FER1L6: variants seen among roughly 807,000 people sequenced by gnomAD.
The protein encoded by FER1L6 is fer-1 like family member 6.
Under a neutral mutation model 219.2 loss-of-function variants are expected in FER1L6, and 177 were observed. That is an observed-to-expected ratio of 0.81 (90% CI 0.71 to 0.91). The LOEUF (loss-of-function observed/expected upper bound fraction) is 0.91, where lower values mean the gene tolerates loss of function less well. FER1L6 is among the 40% of genes least tolerant of loss of function. The probability of loss-of-function intolerance (pLI) is 0.00; values close to 1 mark genes in which losing one functional copy is unlikely to be tolerated. For synonymous variants in FER1L6, 768 were observed against 824.3 expected (o/e 0.93, Z 1.17); for missense variants, 2,153 against 2,259.9 (o/e 0.95, Z 0.96).
intron 18 of FER1L6, among the ~76,000 whole-genome samples, chr8:124,025,771 G>A (rs183308818): frequency 2.6e-5 from 4 of 152,260 alleles, no homozygotes; most frequent in Admixed American, 2.0e-4. Flanking sequence ...GGGGCAGTAT[G>A]CTTATTTTCA....
At chr8:124,105,272 T>A (rs1026322256) in intron 39 of FER1L6, among the ~76,000 whole-genome samples, 2 of 152,008 alleles carry the variant, frequency 1.3e-5, no homozygotes, top group Admixed American at 6.6e-5. Context: ...AAAACCCCAA[T>A]GAACAAAAAC....
intron 35 of FER1L6, among the ~76,000 whole-genome samples, chr8:124,095,553 A>T (rs1337502266): frequency 6.6e-6 from 1 of 152,204 alleles, no homozygotes; most frequent in Non-Finnish European, 1.5e-5. Flanking sequence ...TGTGGAAAAA[A>T]TACCTAGAGA....
intron 39 of FER1L6, among the ~76,000 whole-genome samples, chr8:124,107,272 T>C (rs1386810569): frequency 1.3e-5 from 2 of 152,152 alleles, no homozygotes; most frequent in Non-Finnish European, 2.9e-5. Context: ...TTTCCTTCTG[T>C]TTACTCAGTG....
intron 1 of FER1L6, among the ~76,000 whole-genome samples, chr8:123,876,951 G>T (rs1310006075): frequency 6.6e-6 from 1 of 152,202 alleles, no homozygotes; most frequent in Non-Finnish European, 1.5e-5. Context: ...CCCCATACCT[G>T]CTAGGCCCCT....
At chr8:123,881,951 G>T (rs1467085406) in intron 1 of FER1L6, among the ~76,000 whole-genome samples, 2 of 152,066 alleles carry the variant, frequency 1.3e-5, no homozygotes, top group African/African-American at 2.4e-5. Context: ...TTCACTTCCT[G>T]GTGCTAAAAG....
At chr8:123,893,402 T>C (rs988043177) in intron 1 of FER1L6, among the ~76,000 whole-genome samples, 1 of 152,236 alleles carries the variant, frequency 6.6e-6, no homozygotes, top group Non-Finnish European at 1.5e-5. Context: ...ATAATTTTTA[T>C]GACTTTTTTC....
At chr8:124,108,360 G>A (rs1274714465) in intron 39 of FER1L6, among the ~76,000 whole-genome samples, 1 of 152,046 alleles carries the variant, frequency 6.6e-6, no homozygotes, top group East Asian at 1.9e-4. Flanking sequence ...CTCATGAGCT[G>A]TCGTAACCCT....
intron 23 of FER1L6, 56 bp downstream of exon 23, chr8:124,060,346 A>G: frequency 6.5e-7 from 1 of 1,546,002 alleles, no homozygotes; most frequent in South Asian, 1.1e-5. Flanking sequence ...CAGTGGCCCC[A>G]CCTGAATTGT....
chr8:123,966,998 C>T (rs748132187), intron 5 of FER1L6, among the ~76,000 whole-genome samples: 3 of 149,402 alleles, frequency 2.0e-5, no homozygotes, highest in African/African-American at 7.4e-5. Flanking sequence ...AGAAGAATGG[C>T]GTGAACCCAG....
rs1586542315 is a variant in FER1L6, at chr8:123,976,090, G to A, written c.870+6G>A. 2.5e-6 allele frequency: 4 copies of A among 1,605,396 alleles called. No homozygotes were observed. Among genetic ancestry groups the A allele is most frequent in the Non-Finnish European group, 3.4e-6 (4 of 1,174,910 alleles). ...TCTCCTTTGCTGGGCAGATGGTGAG[G>A]AACCATTGTCACTAACACTGCCTGC... On this transcript the variant is annotated splice_donor_region_variant and intron_variant, in intron 9 of 40. Transcript: ENST00000522917.
At chr8:124,008,006 TA>T (rs1402398308) in intron 13 of FER1L6, among the ~76,000 whole-genome samples, 3 of 152,236 alleles carry the variant, frequency 2.0e-5, no homozygotes. Flanking sequence ...GTAAATTCTT[TA>T]GTAGTGACTT....
At chr8:124,001,451 T>C (rs771198870) in intron 12 of FER1L6, among the ~76,000 whole-genome samples, 6 of 152,208 alleles carry the variant, frequency 3.9e-5, no homozygotes, top group Non-Finnish European at 8.8e-5. Flanking sequence ...GCCTTTGTGA[T>C]TGATTTACCA....
intron 11 of FER1L6, among the ~76,000 whole-genome samples, chr8:123,982,841 C>T (rs1026639223): frequency 6.6e-6 from 1 of 152,148 alleles, no homozygotes; most frequent in African/African-American, 2.4e-5. Flanking sequence ...GAGGCCTCAT[C>T]CTCATTCTGT....
At chr8:123,863,192 T>C (rs1421015972) in intron 1 of FER1L6, among the ~76,000 whole-genome samples, 2 of 91,868 alleles carry the variant, frequency 2.2e-5, no homozygotes, top group East Asian at 2.6e-4. Context: ...TTTGTTCTCG[T>C]TGGTTTCAAA....
chr8:124,082,799 C>T (rs543136910), intron 33 of FER1L6, among the ~76,000 whole-genome samples: 4 of 152,262 alleles, frequency 2.6e-5, no homozygotes, highest in Admixed American at 6.5e-5. Flanking sequence ...AATACAAATG[C>T]CAGCGTCCAA....
chr8:124,021,688 A>G lies in FER1L6; in HGVS notation c.2133+19A>G. The stretch of plus-strand genomic sequence containing the variant: ...TGATGAGGTAACTGACTCTAAAGGC[A>G]AACCTCATTTGGAAGGTTAGATGGA... On this transcript the variant is annotated intron_variant, in intron 17 of 40. Transcript: ENST00000522917. The G allele has an allele frequency of 5.6e-6, 9 of 1,613,166 alleles. No individual in the cohort carries two copies. Among genetic ancestry groups the G allele is most frequent in the Non-Finnish European group, 6.8e-6 (8 of 1,179,142 alleles).
In FER1L6 at chr8:123,991,095, C is replaced by A. The variant is rs929443173; in HGVS notation, c.1519+4919C>A. Among the ~76,000 whole-genome samples, 4 of 152,296 alleles carry A rather than the reference C, an allele frequency of 2.6e-5. No individual in the cohort carries two copies. The East Asian group carries it at 7.7e-4, about 29-fold the overall frequency. On this transcript the variant is annotated intron_variant, in intron 12 of 40. Transcript: ENST00000522917. ...TATCTGCTTTTATACCAATACCATG[C>A]TGTTTTAGTAACTATATCCTTGCAG... is the stretch of plus-strand genomic sequence containing the variant.
intron 18 of FER1L6, among the ~76,000 whole-genome samples, chr8:124,034,449 A>G (rs972023471): frequency 5.9e-5 from 9 of 152,238 alleles, no homozygotes; most frequent in African/African-American, 1.4e-4. Context: ...ACACATATAC[A>G]TAAGTACATG....
chr8:123,905,603 G>T (rs1284073776), intron 1 of FER1L6, among the ~76,000 whole-genome samples: 1 of 152,136 alleles, frequency 6.6e-6, no homozygotes, highest in Non-Finnish European at 1.5e-5. Flanking sequence ...CCTTGGTTTT[G>T]TGCACAGACA....
Sources: allele counts gnomAD v4.1 joint callset (sites outside exome capture counted in the v4.1 genomes callset), GRCh38; gene constraint gnomAD v4.1.1; transcripts MANE v1.5; gene names NCBI Gene and HGNC (gene_info 2026-07-23, HGNC 2026-07-21).